Variants in WT1 observed in about 807,000 individuals in gnomAD.
The protein encoded by WT1 is Wilms tumor protein.
A neutral mutation model predicts 60.8 loss-of-function variants in WT1; 8 were observed. The ratio of observed to expected loss-of-function variants is 0.13; its 90% CI spans 0.08 to 0.24. WT1 has a LOEUF of 0.24. WT1 is among the 10% of genes least tolerant of loss of function. WT1 has a pLI of 1.00. For missense variants in WT1, 568 were observed against 711.8 expected (o/e 0.80, Z 2.30); for synonymous variants, 312 against 297.1 (o/e 1.05, Z -0.52).
At position 32,388,889 on chromosome 11, in the gene WT1, T is replaced by C; in HGVS notation, c.*169A>G. 1 of 1,253,936 alleles carries C rather than the reference T, an allele frequency of 8.0e-7. No individual in the cohort carries two copies. The highest frequency in any genetic ancestry group is 1.1e-6 in the Non-Finnish European group (1 of 906,716). The allele number at this position is 1,253,936 out of a possible 1,614,324, so 77.7% of individuals were successfully genotyped here. A position where few individuals can be genotyped will look rare whatever the true frequency, so the allele number is the denominator to read the frequency against. ...AGTAGGCAGGGCAGAGACCAACTCT[T>C]CCAGGCACACCTGGTAGTTTCCAGA... On this transcript the variant is annotated 3_prime_UTR_variant, in exon 10 of 10. Coordinates refer to ENST00000452863, the MANE Select transcript of WT1 (RefSeq NM_024426.6).
chr11:32,433,714 G>A (rs1853385130), intron 1 of WT1, among the ~76,000 whole-genome samples: 1 of 152,248 alleles, frequency 6.6e-6, no homozygotes, highest in Admixed American at 6.5e-5. Flanking sequence ...GGTCCGCGCC[G>A]CCCAGGCGAA....
chr11:32,433,771 C>T (rs1853388271), intron 1 of WT1, among the ~76,000 whole-genome samples: 1 of 152,248 alleles, frequency 6.6e-6, no homozygotes, highest in Non-Finnish European at 1.5e-5. Context: ...CAACCTGATA[C>T]TTATCGTGTG....
At chr11:32,425,202 CTG>C (rs958735007) in intron 3 of WT1, among the ~76,000 whole-genome samples, 2 of 143,610 alleles carry the variant, frequency 1.4e-5, no homozygotes, top group African/African-American at 5.2e-5. Flanking sequence ...AAAAAAAAGA[CTG>C]GGGAAGAAAA....
chr11:32,432,628 A>G (rs1009335276), intron 1 of WT1, among the ~76,000 whole-genome samples: 4 of 152,078 alleles, frequency 2.6e-5, no homozygotes, highest in East Asian at 3.9e-4. Flanking sequence ...ACATTCACCT[A>G]CTAGTCCTGG....
At chr11:32,412,860 G>T (rs1470743852) in intron 5 of WT1, among the ~76,000 whole-genome samples, 2 of 151,906 alleles carry the variant, frequency 1.3e-5, no homozygotes, top group African/African-American at 4.8e-5. Context: ...GCAGAAATTA[G>T]AAAATGAGTA....
At chr11:32,402,534 A>G (rs942862848) in intron 5 of WT1, among the ~76,000 whole-genome samples, 1 of 152,172 alleles carries the variant, frequency 6.6e-6, no homozygotes, top group Non-Finnish European at 1.5e-5. Flanking sequence ...ATGGAGCCAC[A>G]ATGTGACTTA....
chr11:32,393,630 C>T (rs1851881873), intron 7 of WT1, among the ~76,000 whole-genome samples: 1 of 152,234 alleles, frequency 6.6e-6, no homozygotes, highest in South Asian at 2.1e-4. Context: ...AATCTCTATT[C>T]CCCACTATGC....
At chr11:32,409,571 A>G (rs934521978) in intron 5 of WT1, among the ~76,000 whole-genome samples, 2 of 151,568 alleles carry the variant, frequency 1.3e-5, no homozygotes, top group African/African-American at 4.8e-5. Context: ...CACTCCTCCC[A>G]CCTCAGCCTC....
Position 32,434,841 on chromosome 11 carries a change from T to TAGC in WT1, c.519_520insGCT (p.Phe173_Thr174insAla). 1 of 1,612,520 alleles carries TAGC rather than the reference T, an allele frequency of 6.2e-7. No individual in the cohort carries two copies. Among genetic ancestry groups the TAGC allele is most frequent in the Non-Finnish European group, 8.5e-7 (1 of 1,179,842 alleles). On this transcript the variant is annotated inframe_insertion, in exon 1 of 10. Transcript: ENST00000452863. ...TAGCGACAGGCTCCGGCTGTGCCAG[T>TAGC]GAACTGGCCGGAAAAGTGGACAGTG...
At chr11:32,422,081 T>C (rs1033784156) in intron 3 of WT1, among the ~76,000 whole-genome samples, 1 of 152,264 alleles carries the variant, frequency 6.6e-6, no homozygotes, top group Non-Finnish European at 1.5e-5. Flanking sequence ...CTCTACCTAA[T>C]AACTTAACAG....
At chr11:32,416,817 C>T (rs1162229082) in intron 4 of WT1, among the ~76,000 whole-genome samples, 1 of 152,128 alleles carries the variant, frequency 6.6e-6, no homozygotes, top group Non-Finnish European at 1.5e-5. Flanking sequence ...TAACTTAACC[C>T]TCTGAGCTTG....
intron 5 of WT1, among the ~76,000 whole-genome samples, chr11:32,414,003 G>A (rs770790533): frequency 6.6e-6 from 1 of 152,152 alleles, no homozygotes; most frequent in Non-Finnish European, 1.5e-5. Flanking sequence ...ATCAGAAGAG[G>A]AAACATGTAC....
chr11:32,388,152 G>A lies in WT1; in HGVS notation c.*906C>T. The stretch of plus-strand genomic sequence containing the variant: ...AAACAGTCTTATCAGTGGAGATCCT[G>A]GACCATCCCCTATTTTCTTTTAAAG... On this transcript the variant is annotated 3_prime_UTR_variant, in exon 10 of 10. Coordinates refer to ENST00000452863, the MANE Select transcript of WT1 (RefSeq NM_024426.6). The A allele has an allele frequency of 4.3e-6, 1 of 233,864 alleles. No individual in the cohort carries two copies. The highest frequency in any genetic ancestry group is 6.0e-5 in the East Asian group (1 of 16,606). The allele number at this position is 233,864 out of a possible 1,614,324, so 14.5% of individuals were successfully genotyped here. A position where few individuals can be genotyped will look rare whatever the true frequency, so the allele number is the denominator to read the frequency against.
chr11:32,394,739 A>G (rs980435436), intron 7 of WT1, among the ~76,000 whole-genome samples: 4 of 152,218 alleles, frequency 2.6e-5, no homozygotes, highest in African/African-American at 9.6e-5. Context: ...ATTGTTAAAT[A>G]CCAACCTGCC....
intron 9 of WT1, 21 bp downstream of exon 9, chr11:32,391,951 T>A (rs2132913342): frequency 6.2e-7 from 1 of 1,604,358 alleles, no homozygotes; most frequent in African/African-American, 1.3e-5. Flanking sequence ...GAAAAATAAA[T>A]GTGAAGAAAA....
At chr11:32,418,001 A>G (rs1812509664) in intron 3 of WT1, among the ~76,000 whole-genome samples, 1 of 152,154 alleles carries the variant, frequency 6.6e-6, no homozygotes, top group South Asian at 2.1e-4. Flanking sequence ...TCAACATTAA[A>G]GTTAAAAGCC....
chr11:32,421,260 A>C (rs1422690942), intron 3 of WT1, among the ~76,000 whole-genome samples: 1 of 152,208 alleles, frequency 6.6e-6, no homozygotes, highest in East Asian at 1.9e-4. Flanking sequence ...AGGAATATAG[A>C]GCCTCTGGCA....
chr11:32,425,995 A>C (rs1317770082), intron 3 of WT1, among the ~76,000 whole-genome samples: 1 of 152,200 alleles, frequency 6.6e-6, no homozygotes, highest in African/African-American at 2.4e-5. Flanking sequence ...ATTGCTATTA[A>C]ACCAGTGGTA....
rs1343533420 is a variant in WT1 at position 32,388,289 on chromosome 11, ATC to A, written c.*767_*768del. 1 of 233,654 alleles carries A rather than the reference ATC, an allele frequency of 4.3e-6. No homozygotes were observed. Among genetic ancestry groups the A allele is most frequent in the Non-Finnish European group, 8.5e-6 (1 of 118,110 alleles). 14.5% of individuals were successfully genotyped at this position (233,654 alleles called of 1,614,324 possible). ...TCCATTTGTGCAAGGAGGTATGTACATCTATAAAGACACATATGATTACCACT... is the reference window on the plus strand; with the variant it reads ...TCCATTTGTGCAAGGAGGTATGTACATATAAAGACACATATGATTACCACT... On this transcript the variant is annotated 3_prime_UTR_variant, in exon 10 of 10. Transcript: ENST00000452863.
Sources: gnomAD v4.1 joint callset for allele counts (sites outside exome capture counted in the v4.1 genomes callset) on GRCh38, gnomAD v4.1.1 for gene constraint, MANE v1.5 for transcripts, NCBI Gene and HGNC (gene_info 2026-07-23, HGNC 2026-07-21) for gene names.